EFCAB12: variants seen among roughly 807,000 people sequenced by gnomAD.
EFCAB12 encodes EF-hand calcium-binding domain-containing protein 12.
In EFCAB12, 43 loss-of-function variants were observed where a neutral mutation model predicts 53.6. The ratio of observed to expected loss-of-function variants is 0.80; its 90% CI spans 0.63 to 1.03. EFCAB12 has a LOEUF of 1.03. EFCAB12 is among the 50% of genes least tolerant of loss of function. The pLI is 0.00. For synonymous variants in EFCAB12, 269 were observed against 289.2 expected (o/e 0.93, Z 0.71); for missense variants, 646 against 730.6 (o/e 0.88, Z 1.34).
At chr3:129,411,979 G>A (rs1420885329) in intron 4 of EFCAB12, 3 of 152,348 alleles carry the variant, frequency 2.0e-5, no homozygotes, top group African/African-American at 7.3e-5. Context: ...GGGAGGCTGA[G>A]GCGAGTGGAT....
At chr3:129,406,427 C>T (rs561767801) in intron 6 of EFCAB12, among the ~76,000 whole-genome samples, 9 of 152,196 alleles carry the variant, frequency 5.9e-5, no homozygotes, top group East Asian at 3.9e-4. Context: ...TGTGTCTCCC[C>T]GAAATTCTTA....
chr3:129,419,250 T>A (rs1021103860), intron 2 of EFCAB12, among the ~76,000 whole-genome samples: 7 of 152,244 alleles, frequency 4.6e-5, no homozygotes, highest in Admixed American at 3.3e-4. Flanking sequence ...ACTCCATTTT[T>A]AAATTTATAA....
At chr3:129,402,746 A>C in intron 7 of EFCAB12, 167 bp from the exon 8 acceptor site, 1 of 642,780 alleles carries the variant, frequency 1.6e-6, no homozygotes, top group Non-Finnish European at 2.7e-6. Context: ...CTGTGCCTCC[A>C]TGCTCCAGGG....
Position 129,411,329 on chromosome 3 carries a change from A to C in EFCAB12, c.864T>G (p.Asp288Glu). ...REHYILAKHRDSLKGPLKKQE... is the reference protein window; with the variant it reads ...REHYILAKHRESLKGPLKKQE... ...GCTTCTTGAGCGGACCCTTCAGGGAATCTCTGTGCTTGGCCAAGATATAAT... is the reference window on the plus strand; with the variant it reads ...GCTTCTTGAGCGGACCCTTCAGGGACTCTCTGTGCTTGGCCAAGATATAAT... Residue 288 changes from aspartate to glutamate, a missense_variant, in exon 5 of 9, where the codon GAT becomes GAG. By Grantham distance (45) the Asp-to-Glu change is conservative (BLOSUM62 2). Transcript: ENST00000505956. The C allele has an allele frequency of 2.5e-6, 4 of 1,594,226 alleles. No individual in the cohort carries two copies. Among genetic ancestry groups the C allele is most frequent in the Non-Finnish European group, 3.4e-6 (4 of 1,167,622 alleles).
rs1005897735 is a variant in EFCAB12, at chr3:129,409,123, C to T, written c.1036-265G>A. ...ACTGTGTAACATATATGGTAAAACA[C>T]AGTACACATGCCCTAGAGGCGTCCT... On this transcript the variant is annotated intron_variant, in intron 5 of 8. Coordinates refer to ENST00000505956, the MANE Select transcript of EFCAB12 (RefSeq NM_207307.3). Among the ~76,000 whole-genome samples, 16 of 152,344 alleles carry T rather than the reference C, an allele frequency of 1.1e-4. 1 individual carries two copies. The highest frequency in any genetic ancestry group is 3.4e-4 in the African/African-American group (14 of 41,586).
At chr3:129,418,483 G>C (rs996504527) in intron 2 of EFCAB12, 35 bp from the exon 3 acceptor site, 5 of 1,549,406 alleles carry the variant, frequency 3.2e-6, no homozygotes, top group Non-Finnish European at 3.5e-6. Flanking sequence ...AGAGGAGAGA[G>C]TTCAAAGGAG....
chr3:129,417,589 G>A (rs1187580741), intron 3 of EFCAB12, among the ~76,000 whole-genome samples: 1 of 152,164 alleles, frequency 6.6e-6, no homozygotes, highest in Non-Finnish European at 1.5e-5. Context: ...CCTCTGCTAG[G>A]CCGATACAAC....
intron 5 of EFCAB12, among the ~76,000 whole-genome samples, chr3:129,410,298 C>T (rs556347540): frequency 6.6e-6 from 1 of 151,660 alleles, no homozygotes; most frequent in Non-Finnish European, 1.5e-5. Flanking sequence ...GCATGAGCCA[C>T]TGCACCTGGC....
intron 1 of EFCAB12, among the ~76,000 whole-genome samples, chr3:129,424,846 A>G (rs995770074): frequency 3.3e-5 from 5 of 152,208 alleles, no homozygotes; most frequent in South Asian, 2.1e-4. Context: ...AGTCCACCCA[A>G]TGGAACAAGG....
chr3:129,421,279 T>C, intron 2 of EFCAB12, 88 bp downstream of exon 2: 1 of 1,387,044 alleles, frequency 7.2e-7, no homozygotes, highest in Non-Finnish European at 9.6e-7. Flanking sequence ...TGGTGTGAAC[T>C]ATCCCTATCC....
Position 129,421,763 on chromosome 3 carries a change from G to A in EFCAB12, c.90C>T (p.Pro30=), listed in dbSNP as rs1040913700. The change falls in exon 2 of 9, where the codon CCC becomes CCT. Residue 30 remains proline (P), a synonymous_variant. Transcript: ENST00000505956. ...CAATGACCGGTTCAGGATCAAAGAC[G>A]GGAGCATTTTCATTGATGGGAGTCT... ...PSKTPINENA[P]VFDPEPVIAH... is the part of the protein sequence containing the mutation. 25 of 1,613,314 alleles carry A rather than the reference G, an allele frequency of 1.5e-5. No homozygotes were observed. Among genetic ancestry groups the A allele is most frequent in the South Asian group, 1.5e-4 (14 of 91,052 alleles).
At chr3:129,408,579 A>G in intron 6 of EFCAB12, 66 bp downstream of exon 6, 1 of 1,512,708 alleles carries the variant, frequency 6.6e-7, no homozygotes, top group Non-Finnish European at 9.0e-7. Flanking sequence ...CCTGGGTGGC[A>G]TCACCCTCAC....
At position 129,428,513 on chromosome 3, in the gene EFCAB12, T is replaced by C; in HGVS notation, c.-25A>G. 1 of 1,608,830 alleles carries C rather than the reference T, an allele frequency of 6.2e-7. No individual in the cohort carries two copies. The highest frequency in any genetic ancestry group is 8.5e-7 in the Non-Finnish European group (1 of 1,177,508). The stretch of plus-strand genomic sequence containing the variant: ...TGGTCGTGGTGCTGGGAGGGGGTGC[T>C]GAAGGGCGTGTGTGAATGTGTGTCG... On this transcript the variant is annotated 5_prime_UTR_variant, in exon 1 of 9. Coordinates refer to ENST00000505956, the MANE Select transcript of EFCAB12 (RefSeq NM_207307.3).
intron 4 of EFCAB12, chr3:129,412,996 C>T (rs1355659037): frequency 6.6e-6 from 1 of 152,238 alleles, no homozygotes; most frequent in African/African-American, 2.4e-5. Flanking sequence ...ACCTTACCAC[C>T]TTCTATTGAG....
intron 1 of EFCAB12, among the ~76,000 whole-genome samples, chr3:129,424,368 G>A (rs563404122): frequency 2.6e-5 from 4 of 152,266 alleles, no homozygotes; most frequent in East Asian, 1.9e-4. Flanking sequence ...GGGAGAGGAC[G>A]TCCCCCTTGC....
chr3:129,425,294 A>G (rs1424421209), intron 1 of EFCAB12, among the ~76,000 whole-genome samples: 1 of 152,050 alleles, frequency 6.6e-6, no homozygotes, highest in Admixed American at 6.5e-5. Flanking sequence ...ATTTGAAACC[A>G]TTCAATGGAT....
At chr3:129,412,793 G>A (rs1423471475) in intron 4 of EFCAB12, 3 of 152,300 alleles carry the variant, frequency 2.0e-5, no homozygotes, top group Non-Finnish European at 4.4e-5. Flanking sequence ...TTCTCAGAGA[G>A]GCCGTCCCTG....
chr3:129,425,890 G>A (rs2072264848), intron 1 of EFCAB12, among the ~76,000 whole-genome samples: 1 of 152,172 alleles, frequency 6.6e-6, no homozygotes, highest in Non-Finnish European at 1.5e-5. Context: ...ACTTAACATG[G>A]TGGACACTAA....
intron 1 of EFCAB12, among the ~76,000 whole-genome samples, chr3:129,423,976 C>T (rs1177803912): frequency 2.0e-5 from 3 of 152,218 alleles, no homozygotes; most frequent in Non-Finnish European, 2.9e-5. Context: ...GGCATCCCGG[C>T]CCCTTGAAGC....
Sources: allele counts gnomAD v4.1 joint callset (sites outside exome capture counted in the v4.1 genomes callset), GRCh38; gene constraint gnomAD v4.1.1; transcripts MANE v1.5; gene names NCBI Gene and HGNC (gene_info 2026-07-23, HGNC 2026-07-21).